SGCD: variants seen among roughly 807,000 people sequenced by gnomAD.
SGCD encodes delta-sarcoglycan.
In SGCD, 18 loss-of-function variants were observed where a neutral mutation model predicts 36.6. That is an observed-to-expected ratio of 0.49 (90% CI 0.34 to 0.73). The LOEUF (loss-of-function observed/expected upper bound fraction) is 0.73, where lower values mean the gene tolerates loss of function less well. Ranked by LOEUF, SGCD falls within the 30% of genes least tolerant of loss-of-function variation. SGCD has a pLI of 0.01. For missense variants in SGCD, 387 were observed against 346.7 expected (o/e 1.12, Z -0.92); for synonymous variants, 133 against 130.6 (o/e 1.02, Z -0.12).
chr5:156,510,381 A>T (rs1401145516), intron 4 of SGCD, among the ~76,000 whole-genome samples: 3 of 152,204 alleles, frequency 2.0e-5, no homozygotes, highest in Admixed American at 2.0e-4. Context: ...TAAAGCATTT[A>T]AAAAATATCT....
intron 3 of SGCD, among the ~76,000 whole-genome samples, chr5:156,263,542 G>C (rs1765922840): frequency 6.6e-6 from 1 of 152,134 alleles, no homozygotes; most frequent in African/African-American, 2.4e-5. Flanking sequence ...CACTCTGTGG[G>C]TTGTCTCTTT....
intron 3 of SGCD, among the ~76,000 whole-genome samples, chr5:156,192,419 A>T (rs1404399528): frequency 2.6e-5 from 4 of 152,138 alleles, no homozygotes; most frequent in African/African-American, 7.2e-5. Flanking sequence ...GAGCTAAAAA[A>T]GTTGATCTCA....
chr5:156,085,022 A>G (rs1761059294), intron 1 of SGCD, among the ~76,000 whole-genome samples: 2 of 152,196 alleles, frequency 1.3e-5, no homozygotes, highest in African/African-American at 4.8e-5. Flanking sequence ...CCTACCTTGC[A>G]TACCTGGAAT....
chr5:156,766,112 C>T lies in SGCD; in HGVS notation c.*6722C>T, dbSNP rs1288529823. ...GGAAAAAATTGTAATACTCAGTTATCTGTGTGTGTGGCTAAACAAGTCAGC... is the reference window on the plus strand; with the variant it reads ...GGAAAAAATTGTAATACTCAGTTATTTGTGTGTGTGGCTAAACAAGTCAGC... On this transcript the variant is annotated 3_prime_UTR_variant, in exon 9 of 9. Transcript: ENST00000337851. The T allele has an allele frequency of 6.6e-6, 1 of 151,564 alleles. No homozygotes were observed. Among genetic ancestry groups the T allele is most frequent in the Non-Finnish European group, 1.5e-5 (1 of 67,938 alleles). 9.4% of individuals were successfully genotyped at this position (151,564 alleles called of 1,614,324 possible). A position where few individuals can be genotyped will look rare whatever the true frequency, so the allele number is the denominator to read the frequency against.
intron 6 of SGCD, among the ~76,000 whole-genome samples, chr5:156,629,234 A>T (rs2113525687): frequency 6.6e-6 from 1 of 152,330 alleles, no homozygotes; most frequent in African/African-American, 2.4e-5. Context: ...TGCAAAAACA[A>T]TGTTAAAAAA....
At position 156,592,093 on chromosome 5, in the gene SGCD, C is replaced by T. The variant is rs575304640; in HGVS notation, c.382+2775C>T. On this transcript the variant is annotated intron_variant, in intron 5 of 8. Coordinates refer to ENST00000337851, the MANE Select transcript of SGCD (RefSeq NM_000337.6). Reference sequence around the variant, plus strand: ...TGCTATAGTCCTTTAGTATATGCTTCTGTATGTCTCACAGCTGTTCATGAA... The same window carrying T: ...TGCTATAGTCCTTTAGTATATGCTTTTGTATGTCTCACAGCTGTTCATGAA... Among the ~76,000 whole-genome samples, 4 of 152,244 alleles carry T rather than the reference C, an allele frequency of 2.6e-5. 1 individual carries two copies. Among genetic ancestry groups the T allele is most frequent in the African/African-American group, 9.6e-5 (4 of 41,544 alleles).
intron 7 of SGCD, among the ~76,000 whole-genome samples, chr5:156,751,109 A>G (rs1264529961): frequency 4.6e-5 from 7 of 152,214 alleles, no homozygotes; most frequent in Admixed American, 3.9e-4. Context: ...AGTATAAAGA[A>G]TTTTAAAACT....
intron 3 of SGCD, among the ~76,000 whole-genome samples, chr5:156,176,865 T>C (rs929836091): frequency 6.6e-6 from 1 of 152,156 alleles, no homozygotes; most frequent in African/African-American, 2.4e-5. Context: ...AATTACAAAG[T>C]GACAAATTGT....
chr5:156,514,675 G>A (rs1363302336), intron 4 of SGCD, among the ~76,000 whole-genome samples: 1 of 152,154 alleles, frequency 6.6e-6, no homozygotes, highest in Admixed American at 6.5e-5. Context: ...TTTAGAAGTG[G>A]CTTATACCAA....
rs367839837 is a variant in SGCD at position 156,516,039 on chromosome 5, G to A, written c.294+7337G>A. On this transcript the variant is annotated intron_variant, in intron 4 of 8. Coordinates refer to ENST00000337851, the MANE Select transcript of SGCD (RefSeq NM_000337.6). ...CTAATCCACCTGGAATGGACCCCCAGGGGGAGAAGCAGCTATGGTCTCCAG... is the reference window on the plus strand; with the variant it reads ...CTAATCCACCTGGAATGGACCCCCAAGGGGAGAAGCAGCTATGGTCTCCAG... Among the ~76,000 whole-genome samples the A allele has an allele frequency of 6.6e-5, 10 of 152,356 alleles. No individual in the cohort carries two copies. In the East Asian group the frequency reaches 1.5e-3, roughly 24 times the overall value.
intron 3 of SGCD, among the ~76,000 whole-genome samples, chr5:156,395,210 A>G (rs977977385): frequency 1.3e-5 from 2 of 152,214 alleles, no homozygotes; most frequent in African/African-American, 4.8e-5. Flanking sequence ...TTTATAATGG[A>G]CAAAAGGGAA....
intron 3 of SGCD, among the ~76,000 whole-genome samples, chr5:156,306,636 G>A (rs555378002): frequency 1.4e-4 from 21 of 152,266 alleles, no homozygotes; most frequent in Non-Finnish European, 2.5e-4. Context: ...TAGAGGGGTG[G>A]TGTCAACTAT....
intron 3 of SGCD, 56 bp from the exon 4 acceptor site, chr5:156,508,545 T>G: frequency 4.0e-6 from 4 of 1,001,452 alleles, no homozygotes; most frequent in East Asian, 2.4e-5. Flanking sequence ...CAGCCTGAGG[T>G]GTTTTGAAAT....
chr5:155,785,042 T>C, the SGCD span, among the ~76,000 whole-genome samples: 64 of 152,228 alleles, frequency 4.2e-4, no homozygotes, highest in African/African-American at 1.5e-3. Context: ...TCTGGGCACA[T>C]ACCCCAGAGA....
chr5:156,327,922 A>G (rs1373529782), intron 1 of SGCD, among the ~76,000 whole-genome samples: 1 of 152,208 alleles, frequency 6.6e-6, no homozygotes, highest in African/African-American at 2.4e-5. Context: ...TTTACTCTCA[A>G]AAAACACTTC....
chr5:156,506,737 A>C (rs1756716987), intron 3 of SGCD, among the ~76,000 whole-genome samples: 1 of 152,184 alleles, frequency 6.6e-6, no homozygotes. Context: ...TAAAAACCTC[A>C]TTGGTTTGGA....
intron 1 of SGCD, among the ~76,000 whole-genome samples, chr5:155,910,011 T>C (rs1456546869): frequency 6.6e-6 from 1 of 151,850 alleles, no homozygotes; most frequent in Non-Finnish European, 1.5e-5. Context: ...TGTAGGCTCA[T>C]TTTTTTTCTA....
intron 3 of SGCD, among the ~76,000 whole-genome samples, chr5:156,438,798 GTAA>G (rs1346429472): frequency 1.3e-5 from 2 of 152,114 alleles, no homozygotes; most frequent in Non-Finnish European, 2.9e-5. Context: ...TAGGCTAACA[GTAA>G]TAATAATAGC....
chr5:156,567,398 A>G (rs1334601531), intron 4 of SGCD, among the ~76,000 whole-genome samples: 2 of 143,950 alleles, frequency 1.4e-5, no homozygotes, highest in Non-Finnish European at 1.6e-5. Context: ...AGATAGATAG[A>G]TAGATAGATA....
Sources: allele counts gnomAD v4.1 joint callset (sites outside exome capture counted in the v4.1 genomes callset), GRCh38; gene constraint gnomAD v4.1.1; transcripts MANE v1.5; gene names NCBI Gene and HGNC (gene_info 2026-07-23, HGNC 2026-07-21).